SSH2: variants seen among roughly 807,000 people sequenced by gnomAD.
SSH2 encodes the protein protein phosphatase Slingshot homolog 2.
In SSH2, 37 loss-of-function variants were observed where a neutral mutation model predicts 135.2. The ratio of observed to expected loss-of-function variants is 0.27; its 90% CI spans 0.21 to 0.36. The LOEUF is 0.36. Ranked by LOEUF, SSH2 falls within the 10% of genes least tolerant of loss-of-function variation. SSH2 has a pLI of 1.00. For synonymous variants in SSH2, 628 were observed against 646.2 expected (o/e 0.97, Z 0.43); for missense variants, 1,408 against 1,765.3 (o/e 0.80, Z 3.63).
intron 14 of SSH2, among the ~76,000 whole-genome samples, chr17:29,644,220 CCAGAGGGTTTGG>C (rs1238085045): frequency 6.6e-6 from 1 of 152,188 alleles, no homozygotes; most frequent in African/African-American, 2.4e-5. Context: ...TTTCTGACTT[CCAGAGGGTTTGG>C]CTATTGGGGA....
intron 3 of SSH2, among the ~76,000 whole-genome samples, chr17:29,756,959 T>G (rs1206064023): frequency 6.6e-6 from 1 of 152,162 alleles, no homozygotes; most frequent in Non-Finnish European, 1.5e-5. Flanking sequence ...CTGGCTTGTT[T>G]CGTGGTTTCT....
chr17:29,853,211 C>T (rs867265464), intron 1 of SSH2, among the ~76,000 whole-genome samples: 3 of 151,240 alleles, frequency 2.0e-5, no homozygotes, highest in African/African-American at 7.3e-5. Context: ...CTCAGCCTCC[C>T]GAGTAGCTGG....
In SSH2 at chr17:29,655,575, G is replaced by A; in HGVS notation, c.1065C>T (p.Asp355=). ...GSEWNASNLE[D]LQNRGVRYIL... ...TGTGTGCTTACCCTCGGTTCTGTAAGTCCTCTAAGTTGGAGGCATTCCATT... is the reference window on the plus strand; with the variant it reads ...TGTGTGCTTACCCTCGGTTCTGTAAATCCTCTAAGTTGGAGGCATTCCATT... Residue 355 remains aspartate (D), a synonymous_variant, in exon 12 of 16, where the codon GAC becomes GAT. Coordinates refer to ENST00000540801, the MANE Select transcript of SSH2 (RefSeq NM_001282129.2). 1 of 1,614,100 alleles carries A rather than the reference G, an allele frequency of 6.2e-7. No individual in the cohort carries two copies. Among genetic ancestry groups the A allele is most frequent in the Non-Finnish European group, 8.5e-7 (1 of 1,180,000 alleles).
chr17:29,845,757 G>A (rs143522556), intron 2 of SSH2, among the ~76,000 whole-genome samples: 14 of 151,986 alleles, frequency 9.2e-5, no homozygotes, highest in African/African-American at 2.9e-4. Flanking sequence ...ACAGGGTCTC[G>A]CTGTATTTCC....
intron 14 of SSH2, 177 bp downstream of exon 14, chr17:29,647,967 C>T: frequency 1.5e-6 from 1 of 646,234 alleles, no homozygotes; most frequent in Non-Finnish European, 2.6e-6. Context: ...CCGGCCAGCC[C>T]ATGCAAATCT....
chr17:29,762,977 T>C (rs562208510), intron 3 of SSH2, among the ~76,000 whole-genome samples: 22 of 152,356 alleles, frequency 1.4e-4, no homozygotes, highest in Non-Finnish European at 2.5e-4. Flanking sequence ...GAAGTGACTT[T>C]AAGACTCAAC....
intron 5 of SSH2, among the ~76,000 whole-genome samples, chr17:29,694,946 G>T (rs1285634690): frequency 2.6e-5 from 4 of 152,120 alleles, no homozygotes; most frequent in Admixed American, 1.3e-4. Flanking sequence ...CCCTCTCAAC[G>T]TGAGAGGTAG....
intron 1 of SSH2, among the ~76,000 whole-genome samples, chr17:29,907,424 G>A (rs897838469): frequency 1.2e-4 from 18 of 152,096 alleles, no homozygotes; most frequent in Non-Finnish European, 2.2e-4. Context: ...CTAGGTAATG[G>A]GATGATCTGT....
intron 2 of SSH2, among the ~76,000 whole-genome samples, chr17:29,834,606 G>C (rs2042913266): frequency 6.6e-6 from 1 of 151,888 alleles, no homozygotes; most frequent in Admixed American, 6.6e-5. Context: ...CTTGAATTTA[G>C]CAATGTTTTC....
chr17:29,720,841 G>C (rs771110653), intron 3 of SSH2, among the ~76,000 whole-genome samples: 49 of 152,176 alleles, frequency 3.2e-4, no homozygotes, highest in Admixed American at 9.2e-4. Context: ...AAAGGGAAAA[G>C]AGAAAGCAAG....
intron 3 of SSH2, among the ~76,000 whole-genome samples, chr17:29,777,922 A>C (rs1428888408): frequency 6.6e-6 from 1 of 151,888 alleles, no homozygotes; most frequent in East Asian, 1.9e-4. Context: ...TATCCTCTCA[A>C]CTGTTCCTCA....
chr17:29,827,784 GA>G lies in SSH2; in HGVS notation c.144+21064del, dbSNP rs775432141. Among the ~76,000 whole-genome samples, 1,291 of 135,624 alleles carry G rather than the reference GA, an allele frequency of 9.5e-3. 11 individuals are homozygous for G. Among genetic ancestry groups the G allele is most frequent in the African/African-American group, 0.027 (1,027 of 37,450 alleles). The allele number at this position is 135,624 out of a possible 152,430, so 89.0% of individuals were successfully genotyped here. On this transcript the variant is annotated intron_variant, in intron 2 of 15. Transcript: ENST00000540801. Reference sequence around the variant, plus strand: ...AAAATAAATAGAATGAATGAGTACAGAAAAAAAAAAAACCCCAGCATAGCTA... The same window carrying G: ...AAAATAAATAGAATGAATGAGTACAGAAAAAAAAAAACCCCAGCATAGCTA...
intron 3 of SSH2, among the ~76,000 whole-genome samples, chr17:29,733,989 C>T (rs1247267637): frequency 2.0e-5 from 3 of 149,172 alleles, no homozygotes; most frequent in African/African-American, 5.0e-5. Context: ...TGGCTCATTG[C>T]CTCACTGCTA....
At chr17:29,928,933 T>C (rs1052543513) in intron 1 of SSH2, among the ~76,000 whole-genome samples, 34 of 152,230 alleles carry the variant, frequency 2.2e-4, no homozygotes, top group African/African-American at 8.2e-4. Flanking sequence ...AAGGTGGTTT[T>C]CCCAGTTGCT....
chr17:29,791,243 C>G (rs2042060280), intron 3 of SSH2, among the ~76,000 whole-genome samples: 1 of 152,118 alleles, frequency 6.6e-6, no homozygotes, highest in East Asian at 1.9e-4. Flanking sequence ...CACCACCACA[C>G]CCGGCTAATT....
At chr17:29,844,707 A>G (rs2043101983) in intron 2 of SSH2, among the ~76,000 whole-genome samples, 1 of 152,194 alleles carries the variant, frequency 6.6e-6, no homozygotes, top group African/African-American at 2.4e-5. Flanking sequence ...GGAGACCTCT[A>G]ACAAACCTGT....
At chr17:29,797,125 G>GTTT (rs11412443) in intron 2 of SSH2, among the ~76,000 whole-genome samples, 1 of 148,388 alleles carries the variant, frequency 6.7e-6, no homozygotes. Context: ...CACCTGGCCA[G>GTTT]TTTTTTTTTT....
In SSH2 at chr17:29,632,074, T is replaced by A; in HGVS notation, c.3120A>T (p.Glu1040Asp). ...TGGGTGATGTAACTATGTGGGTATA[T>A]TCAATGATTTCTACCCTCTTGGGAA... ...LPLPKRVEIIEYTHIVTSPNH... is the reference protein window; with the variant it reads ...LPLPKRVEIIDYTHIVTSPNH... Residue 1040 changes from glutamate (E) to aspartate (D), a missense_variant, in exon 16 of 16, where the codon GAA (glutamate) becomes GAT (aspartate). Around this residue, in one of 3 missense-constraint regions of SSH2, gnomAD observed 1,080 missense variants for 1,144.5 expected, o/e 0.94. Transcript: ENST00000540801. 6.2e-7 allele frequency: 1 copy of A among 1,614,228 alleles called. No homozygotes were observed. Among genetic ancestry groups the A allele is most frequent in the Non-Finnish European group, 8.5e-7 (1 of 1,180,038 alleles).
intron 2 of SSH2, among the ~76,000 whole-genome samples, chr17:29,820,655 C>T (rs1191839972): frequency 6.6e-6 from 1 of 152,192 alleles, no homozygotes; most frequent in African/African-American, 2.4e-5. Flanking sequence ...AGCTTCCTTT[C>T]ATTCCTCATC....
Sources: gnomAD v4.1 joint callset for allele counts (sites outside exome capture counted in the v4.1 genomes callset) on GRCh38, gnomAD v4.1.1 for gene constraint, gnomAD v4.1.1 regional missense constraint, MANE v1.5 for transcripts, NCBI Gene and HGNC (gene_info 2026-07-23, HGNC 2026-07-21) for gene names.